Variants in BZW2 observed in about 807,000 individuals in gnomAD.
The protein encoded by BZW2 is eIF5-mimic protein 1.
In BZW2, 23 loss-of-function variants were observed where a neutral mutation model predicts 53.2. That is an observed-to-expected ratio of 0.43 (90% CI 0.31 to 0.61). The LOEUF is 0.61. BZW2 is among the 20% of genes least tolerant of loss of function. The probability of loss-of-function intolerance (pLI) is 0.09; values close to 1 mark genes in which losing one functional copy is unlikely to be tolerated. For synonymous variants in BZW2, 227 were observed against 186.4 expected (o/e 1.22, Z -1.77); for missense variants, 409 against 503.1 (o/e 0.81, Z 1.79).
At chr7:16,698,285 T>TATAA in intron 10 of BZW2, 99 bp downstream of exon 10, 1 of 1,464,510 alleles carries the variant, frequency 6.8e-7, no homozygotes, top group Admixed American at 1.8e-5. Flanking sequence ...GGGCTCTGTT[T>TATAA]AGAGAGGGAC....
rs1782796451 is a variant in BZW2, at chr7:16,677,307, C to T, written c.235+2719C>T. Among the ~76,000 whole-genome samples, 4 of 152,118 alleles carry T rather than the reference C, an allele frequency of 2.6e-5. 1 individual carries two copies. Among genetic ancestry groups the T allele is most frequent in the Admixed American group, 2.6e-4 (4 of 15,276 alleles). Reference sequence around the variant, plus strand: ...TCGGGTGTGAGCTAAGTTGCAAACCCCATGTTTAAAGGTGGATGTGGTCAC... The same window carrying T: ...TCGGGTGTGAGCTAAGTTGCAAACCTCATGTTTAAAGGTGGATGTGGTCAC... On this transcript the variant is annotated intron_variant, in intron 3 of 11. Transcript: ENST00000258761.
chr7:16,692,745 C>T (rs140806018), intron 7 of BZW2, among the ~76,000 whole-genome samples: 247 of 152,256 alleles, frequency 1.6e-3, no homozygotes, highest in African/African-American at 5.7e-3. Context: ...GCCTGGGTGA[C>T]AGAGCAAGAC....
At position 16,671,930 on chromosome 7, in the gene BZW2, C is replaced by CAAAAA. The variant is rs56356463; in HGVS notation, c.59-2469_59-2465dup. On this transcript the variant is annotated intron_variant, in intron 2 of 11. Transcript: ENST00000258761. ...TGGGTGACAGAGTGAGACCCTGTTTCAAAAAAAAAAAAAAAAATCGGAACA... is the reference window on the plus strand; with the variant it reads ...TGGGTGACAGAGTGAGACCCTGTTTCAAAAAAAAAAAAAAAAAAAAAATCGGAACA... 3.0e-4 allele frequency among the ~76,000 whole-genome samples: 30 copies of CAAAAA among 99,402 alleles called. 2 individuals carry two copies. The highest frequency in any genetic ancestry group is 8.8e-4 in the African/African-American group (21 of 23,794). 65.2% of individuals were successfully genotyped at this position (99,402 alleles called of 152,430 possible).
At chr7:16,655,986 C>A (rs967713878) in intron 1 of BZW2, among the ~76,000 whole-genome samples, 10 of 150,576 alleles carry the variant, frequency 6.6e-5, no homozygotes, top group Non-Finnish European at 1.2e-4. Flanking sequence ...TCTTACAGAA[C>A]CACAGTGCAA....
At chr7:16,680,545 CTG>C (rs1782913167) in intron 3 of BZW2, among the ~76,000 whole-genome samples, 1 of 152,184 alleles carries the variant, frequency 6.6e-6, no homozygotes, top group African/African-American at 2.4e-5. Context: ...TGGCTTACGT[CTG>C]TAATCCAAGC....
chr7:16,649,614 G>A (rs1400505122), intron 1 of BZW2, among the ~76,000 whole-genome samples: 1 of 151,936 alleles, frequency 6.6e-6, no homozygotes, highest in Non-Finnish European at 1.5e-5. Context: ...CATCTTTCAG[G>A]GTACTGTTTG....
In BZW2 at chr7:16,684,069, G is replaced by A. The variant is rs1176291227; in HGVS notation, c.405+1224G>A. On this transcript the variant is annotated intron_variant, in intron 5 of 11. Coordinates refer to ENST00000258761, the MANE Select transcript of BZW2 (RefSeq NM_014038.3). ...CACAGTATTGAAAAATAGCCTAAAT[G>A]TTCATTGGTGGGAGATGAAGACTGT... Among the ~76,000 whole-genome samples, 4 of 152,290 alleles carry A rather than the reference G, an allele frequency of 2.6e-5. No homozygotes were observed. The East Asian group carries it at 7.7e-4, about 29-fold the overall frequency.
At chr7:16,653,248 C>T (rs557266947) in intron 1 of BZW2, among the ~76,000 whole-genome samples, 1 of 152,328 alleles carries the variant, frequency 6.6e-6, no homozygotes, top group Non-Finnish European at 1.5e-5. Context: ...AATTCTCTCA[C>T]TGTCTACCAG....
chr7:16,682,998 C>G (rs1178940562), intron 5 of BZW2, among the ~76,000 whole-genome samples, 153 bp downstream of exon 5: 2 of 152,010 alleles, frequency 1.3e-5, no homozygotes. Flanking sequence ...GAGTTTAAGA[C>G]CAGCCTGGCC....
chr7:16,648,861 C>G (rs1318491720), intron 1 of BZW2, among the ~76,000 whole-genome samples: 1 of 152,180 alleles, frequency 6.6e-6, no homozygotes, highest in Non-Finnish European at 1.5e-5. Context: ...TTTCCAGACA[C>G]AATTTAAACA....
chr7:16,675,851 G>A (rs1319458563), intron 3 of BZW2, among the ~76,000 whole-genome samples: 1 of 152,030 alleles, frequency 6.6e-6, no homozygotes, highest in Non-Finnish European at 1.5e-5. Context: ...AGGCTGAGGC[G>A]GGCGGATCAC....
In BZW2 at chr7:16,691,894, G is replaced by A. The variant is rs967294201; in HGVS notation, c.651+1988G>A. 2.0e-5 allele frequency among the ~76,000 whole-genome samples: 3 copies of A among 152,266 alleles called. 1 individual carries two copies. Among genetic ancestry groups the A allele is most frequent in the African/African-American group, 7.2e-5 (3 of 41,548 alleles). On this transcript the variant is annotated intron_variant, in intron 7 of 11. Coordinates refer to ENST00000258761, the MANE Select transcript of BZW2 (RefSeq NM_014038.3). ...TACTAGGTTCTGTGTGTGTGTGTGT[G>A]TGTGTGTGTACATATGTGTGTGTTT...
At chr7:16,684,199 A>G (rs1258726869) in intron 5 of BZW2, among the ~76,000 whole-genome samples, 1 of 152,224 alleles carries the variant, frequency 6.6e-6, no homozygotes, top group East Asian at 1.9e-4. Flanking sequence ...TGACAAATTA[A>G]GTGGAAATGC....
intron 3 of BZW2, among the ~76,000 whole-genome samples, chr7:16,679,151 A>C (rs949139224): frequency 3.3e-5 from 5 of 152,214 alleles, no homozygotes; most frequent in Admixed American, 1.3e-4. Flanking sequence ...GGGGTGCTGC[A>C]GGAGACCAGG....
Position 16,706,252 on chromosome 7 carries a change from T to G in BZW2, c.*164T>G, listed in dbSNP as rs915874955. The G allele has an allele frequency of 8.2e-6, 6 of 728,268 alleles. No homozygotes were observed. The African/African-American group carries it at 1.1e-4, about 13-fold the overall frequency. The allele number at this position is 728,268 out of a possible 1,614,324, so 45.1% of individuals were successfully genotyped here. ...AGAAATGGTTTTGTTTTTGTTTTGTTTTTAAATGGAGCCCTGAGGCATCAG... is the reference window on the plus strand; with the variant it reads ...AGAAATGGTTTTGTTTTTGTTTTGTGTTTAAATGGAGCCCTGAGGCATCAG... On this transcript the variant is annotated 3_prime_UTR_variant, in exon 12 of 12. Transcript: ENST00000258761.
At chr7:16,682,734 G>A (rs76482084) in intron 4 of BZW2, 46 bp from the exon 5 acceptor site, 7 of 1,273,426 alleles carry the variant, frequency 5.5e-6, no homozygotes, top group Non-Finnish European at 6.6e-6. Context: ...ACCTACTTCT[G>A]TGTCTTTTTG....
At chr7:16,682,529 C>T (rs112719307) in intron 4 of BZW2, among the ~76,000 whole-genome samples, 9 of 152,138 alleles carry the variant, frequency 5.9e-5, no homozygotes, top group African/African-American at 1.4e-4. Flanking sequence ...TTATTTTCGT[C>T]GAATTTTTTT....
In BZW2 at chr7:16,692,441, C is replaced by T. The variant is rs572107733; in HGVS notation, c.652-2393C>T. ...GGAGAGTGGGCCATAAACTAAAAAC[C>T]GTAAAATATGTATTATAATAAAGGT... On this transcript the variant is annotated intron_variant, in intron 7 of 11. Transcript: ENST00000258761. Among the ~76,000 whole-genome samples, 25 of 152,022 alleles carry T rather than the reference C, an allele frequency of 1.6e-4. 1 individual carries two copies. In the South Asian group the frequency reaches 4.2e-3, roughly 25 times the overall value.
chr7:16,688,354 G>C (rs1783196769), intron 6 of BZW2, among the ~76,000 whole-genome samples: 1 of 152,128 alleles, frequency 6.6e-6, no homozygotes, highest in Non-Finnish European at 1.5e-5. Context: ...ATTCTTCCTG[G>C]TTCAGGTTCA....
Sources: gnomAD v4.1 joint callset for allele counts (sites outside exome capture counted in the v4.1 genomes callset) on GRCh38, gnomAD v4.1.1 for gene constraint, MANE v1.5 for transcripts, NCBI Gene and HGNC (gene_info 2026-07-23, HGNC 2026-07-21) for gene names.